IGSF11: variants seen among roughly 807,000 people sequenced by gnomAD.
IGSF11 encodes CXADR like 1.
In IGSF11, 22 loss-of-function variants were observed where a neutral mutation model predicts 41.0. The ratio of observed to expected loss-of-function variants is 0.54; its 90% CI spans 0.38 to 0.77. The LOEUF is 0.77. Ranked by LOEUF, IGSF11 falls within the 30% of genes least tolerant of loss-of-function variation. The pLI is 0.00. For missense variants in IGSF11, 444 were observed against 530.8 expected (o/e 0.84, Z 1.61); for synonymous variants, 219 against 201.3 (o/e 1.09, Z -0.74).
intron 1 of IGSF11, among the ~76,000 whole-genome samples, chr3:118,950,632 GATACATTATAATA>G (rs922800710): frequency 1.3e-4 from 20 of 151,548 alleles, no homozygotes; most frequent in Non-Finnish European, 1.9e-4. Flanking sequence ...CTATATAATA[GATACATTATAATA>G]ATACATTATA....
At chr3:119,044,251 A>G (rs1486837263) in intron 1 of IGSF11, among the ~76,000 whole-genome samples, 1 of 152,204 alleles carries the variant, frequency 6.6e-6, no homozygotes, top group Non-Finnish European at 1.5e-5. Flanking sequence ...ACATACTTAG[A>G]GAAATGCAAA....
At chr3:119,106,847 T>G (rs1336652924), upstream of IGSF11, among the ~76,000 whole-genome samples, 2 of 152,178 alleles carry the variant, frequency 1.3e-5, no homozygotes, top group Non-Finnish European at 2.9e-5. Flanking sequence ...GTTTGGTTTT[T>G]TGTCCTTGAG....
At chr3:118,963,857 T>C (rs1945499196) in intron 1 of IGSF11, among the ~76,000 whole-genome samples, 2 of 152,200 alleles carry the variant, frequency 1.3e-5, no homozygotes, top group African/African-American at 4.8e-5. Context: ...ACATTGACTT[T>C]AATTGACTGG....
At chr3:118,924,966 G>A (rs1175907900) in intron 4 of IGSF11, among the ~76,000 whole-genome samples, 1 of 152,100 alleles carries the variant, frequency 6.6e-6, no homozygotes, top group Admixed American at 6.5e-5. Flanking sequence ...ACTTACAATG[G>A]TGAGATTGAC....
At chr3:119,040,953 G>A (rs578108041) in intron 1 of IGSF11, among the ~76,000 whole-genome samples, 1 of 152,132 alleles carries the variant, frequency 6.6e-6, no homozygotes, top group East Asian at 1.9e-4. Flanking sequence ...GTATCTAGAA[G>A]AAAATAAAAA....
intron 1 of IGSF11, among the ~76,000 whole-genome samples, chr3:119,052,995 T>C (rs1576736039): frequency 6.6e-6 from 1 of 152,148 alleles, no homozygotes; most frequent in African/African-American, 2.4e-5. Flanking sequence ...GGGACATACC[T>C]AACTGTAATA....
At chr3:119,046,141 G>T (rs1412813632) in intron 1 of IGSF11, among the ~76,000 whole-genome samples, 11 of 150,720 alleles carry the variant, frequency 7.3e-5, no homozygotes. Flanking sequence ...AAAGCTGGAT[G>T]GAGAATGACT....
At chr3:118,922,990 C>G (rs1245905035) in intron 4 of IGSF11, among the ~76,000 whole-genome samples, 1 of 152,036 alleles carries the variant, frequency 6.6e-6, no homozygotes, top group Non-Finnish European at 1.5e-5. Flanking sequence ...TGTTCCAGAC[C>G]CTCCTAGAAA....
chr3:119,055,436 T>G lies in IGSF11; in HGVS notation c.49+49708A>C, dbSNP rs562066139. ...AAGAGCTAACTATCCTAAATACATA[T>G]GCACCCAATACAGGAGGACCCAGAT... On this transcript the variant is annotated intron_variant, in intron 1 of 6. Coordinates refer to the IGSF11 transcript ENST00000354673. Among the ~76,000 whole-genome samples, 5 of 152,266 alleles carry G rather than the reference T, an allele frequency of 3.3e-5. No homozygotes were observed. In the East Asian group the frequency reaches 5.8e-4, roughly 18 times the overall value.
intron 1 of IGSF11, chr3:118,944,760 T>G (rs1266245829): frequency 2.0e-5 from 3 of 152,246 alleles, no homozygotes; most frequent in Non-Finnish European, 2.9e-5. Context: ...TTGATGCTAT[T>G]CATCAAGAAC....
At chr3:119,139,055 G>A (rs2077602728) in intron 1 of IGSF11, among the ~76,000 whole-genome samples, 1 of 151,954 alleles carries the variant, frequency 6.6e-6, no homozygotes, top group African/African-American at 2.4e-5. Flanking sequence ...AAATGCTTGA[G>A]GTGACAGATA....
At chr3:119,057,255 C>G (rs369420433) in intron 1 of IGSF11, among the ~76,000 whole-genome samples, 8 of 152,134 alleles carry the variant, frequency 5.3e-5, no homozygotes, top group Non-Finnish European at 1.0e-4. Flanking sequence ...TCCTTAAGCT[C>G]ATAAGCAACT....
chr3:119,050,537 C>T (rs865794532), intron 1 of IGSF11, among the ~76,000 whole-genome samples: 3,901 of 151,734 alleles, frequency 0.026, 144 homozygotes, highest in African/African-American at 0.089. Context: ...AACACTTTTA[C>T]ACTGTTAGTG....
At chr3:119,075,603 C>T (rs2076481180) in intron 1 of IGSF11, among the ~76,000 whole-genome samples, 1 of 152,116 alleles carries the variant, frequency 6.6e-6, no homozygotes, top group South Asian at 2.1e-4. Context: ...CCAAATCAAG[C>T]ATCACATCAA....
chr3:119,075,609 A>G (rs1263157891), intron 1 of IGSF11, among the ~76,000 whole-genome samples: 1 of 152,226 alleles, frequency 6.6e-6, no homozygotes, highest in East Asian at 1.9e-4. Flanking sequence ...CAAGCATCAC[A>G]TCAAAAAGCT....
chr3:119,057,826 A>G (rs1157797861), intron 1 of IGSF11, among the ~76,000 whole-genome samples: 1 of 152,228 alleles, frequency 6.6e-6, no homozygotes, highest in Non-Finnish European at 1.5e-5. Flanking sequence ...CTGCATATCT[A>G]CAACTATCTG....
chr3:119,042,219 G>T (rs1324996130), intron 1 of IGSF11, among the ~76,000 whole-genome samples: 1 of 152,202 alleles, frequency 6.6e-6, no homozygotes, highest in Non-Finnish European at 1.5e-5. Context: ...TCTGACAGAG[G>T]TCCTTGGGGA....
rs1940042367 is a variant in IGSF11, at chr3:119,028,484, C to A, written c.52+6047G>T. On this transcript the variant is annotated intron_variant, in intron 1 of 6. Coordinates refer to ENST00000393775, the MANE Select transcript of IGSF11 (RefSeq NM_001015887.3). ...GACTAGTTCTAACATACAGGTCCCT[C>A]AGGACTAAGAATACCAGACATGAAA... 2.0e-5 allele frequency among the ~76,000 whole-genome samples: 3 copies of A among 152,276 alleles called. No individual in the cohort carries two copies. In the South Asian group the frequency reaches 6.2e-4, roughly 32 times the overall value.
At chr3:119,083,200 T>C (rs1299735026) in intron 1 of IGSF11, among the ~76,000 whole-genome samples, 1 of 150,550 alleles carries the variant, frequency 6.6e-6, no homozygotes, top group Non-Finnish European at 1.5e-5. Flanking sequence ...TGGCATGATC[T>C]TGCTGCGGCC....
Sources: allele counts gnomAD v4.1 joint callset (sites outside exome capture counted in the v4.1 genomes callset), GRCh38; gene constraint gnomAD v4.1.1; transcripts MANE v1.5; gene names NCBI Gene and HGNC (gene_info 2026-07-23, HGNC 2026-07-21).